The following THEMIS variants were observed in gnomAD, a reference collection of about 807,000 sequenced individuals.
The protein encoded by THEMIS is thymocyte selection associated, also known as protein THEMIS.
THEMIS carries 37 observed loss-of-function variants against 52.6 expected under a neutral mutation model. The ratio of observed to expected loss-of-function variants is 0.70; its 90% CI spans 0.54 to 0.93. The LOEUF is 0.93. THEMIS is among the 40% of genes least tolerant of loss of function. The pLI is 0.00. For synonymous variants in THEMIS, 292 were observed against 272.7 expected (o/e 1.07, Z -0.70); for missense variants, 808 against 763.1 (o/e 1.06, Z -0.69).
At chr6:127,787,850 T>TAG (rs1554224553) in intron 4 of THEMIS, among the ~76,000 whole-genome samples, 3 of 137,502 alleles carry the variant, frequency 2.2e-5, no homozygotes, top group East Asian at 2.1e-4. Context: ...GATAGACAGA[T>TAG]ATAGATAGAT....
At position 127,889,745 on chromosome 6, in the gene THEMIS, A is replaced by G. The variant is rs376322353; in HGVS notation, c.91+11097T>C. On this transcript the variant is annotated intron_variant, in intron 1 of 5. Coordinates refer to ENST00000368248, the MANE Select transcript of THEMIS (RefSeq NM_001010923.3). ...TATGGTAAGTCACATACTAAGATAG[A>G]TTGGGAATTTCAAAAAATGAGTTAA... Among the ~76,000 whole-genome samples, 4 of 152,102 alleles carry G rather than the reference A, an allele frequency of 2.6e-5. No individual in the cohort carries two copies. The East Asian group carries it at 7.7e-4, about 29-fold the overall frequency.
At chr6:127,905,312 A>C (rs1781241810), upstream of THEMIS, among the ~76,000 whole-genome samples, 1 of 152,088 alleles carries the variant, frequency 6.6e-6, no homozygotes, top group African/African-American at 2.4e-5. Context: ...ACTTACTAAC[A>C]AAAACCAATA....
At chr6:127,851,323 A>G (rs895499556) in intron 2 of THEMIS, among the ~76,000 whole-genome samples, 3 of 151,688 alleles carry the variant, frequency 2.0e-5, no homozygotes, top group African/African-American at 7.2e-5. Flanking sequence ...CTAAACTCAA[A>G]GATTCATGCC....
chr6:127,726,443 A>G (rs1774550957), intron 4 of THEMIS, among the ~76,000 whole-genome samples: 1 of 152,146 alleles, frequency 6.6e-6, no homozygotes, highest in Non-Finnish European at 1.5e-5. Context: ...ATCATATATC[A>G]AAGATCTTAC....
At chr6:127,845,407 A>C (rs566219957) in intron 2 of THEMIS, among the ~76,000 whole-genome samples, 2 of 152,094 alleles carry the variant, frequency 1.3e-5, no homozygotes, top group East Asian at 1.9e-4. Flanking sequence ...TTGAAGAAAA[A>C]TGGCTGAATC....
intron 1 of THEMIS, among the ~76,000 whole-genome samples, chr6:127,870,502 A>G (rs1375261555): frequency 6.6e-6 from 1 of 152,230 alleles, no homozygotes; most frequent in African/African-American, 2.4e-5. Flanking sequence ...TGCCATATCA[A>G]TAGTTACATT....
At chr6:127,705,453 G>T (rs566174506), downstream of THEMIS, among the ~76,000 whole-genome samples, 22 of 152,220 alleles carry the variant, frequency 1.4e-4, no homozygotes, top group Middle Eastern at 3.4e-3. Context: ...GCTTCAATTT[G>T]CCTGTCACAA....
At chr6:127,702,358 A>G in the THEMIS span, among the ~76,000 whole-genome samples, 2 of 152,154 alleles carry the variant, frequency 1.3e-5, no homozygotes, top group Non-Finnish European at 2.9e-5. Flanking sequence ...TATTTCCTAA[A>G]TCTGAAATTT....
At chr6:127,766,718 G>A (rs1219870857) in intron 4 of THEMIS, among the ~76,000 whole-genome samples, 2 of 152,008 alleles carry the variant, frequency 1.3e-5, no homozygotes, top group African/African-American at 4.8e-5. Flanking sequence ...AAGTATTTTT[G>A]TACTTAAACA....
chr6:127,736,212 T>C (rs891213768), intron 4 of THEMIS, among the ~76,000 whole-genome samples: 4 of 152,174 alleles, frequency 2.6e-5, no homozygotes, highest in African/African-American at 9.6e-5. Context: ...ATGTTTAAAA[T>C]TGTATATTTA....
intron 4 of THEMIS, among the ~76,000 whole-genome samples, chr6:127,777,365 A>G (rs536504951): frequency 6.6e-6 from 1 of 152,292 alleles, no homozygotes; most frequent in East Asian, 1.9e-4. Context: ...TTTGTGGCAG[A>G]GATGTTTCAA....
At chr6:127,784,942 G>C (rs1583274227) in intron 4 of THEMIS, among the ~76,000 whole-genome samples, 1 of 147,244 alleles carries the variant, frequency 6.8e-6, no homozygotes, top group Admixed American at 7.0e-5. Flanking sequence ...GATAGCAAAG[G>C]CAGTCACACT....
chr6:127,877,303 T>C (rs1780343512), intron 1 of THEMIS, among the ~76,000 whole-genome samples: 1 of 152,110 alleles, frequency 6.6e-6, no homozygotes. Context: ...TTCACTGGAG[T>C]AGTACATTTA....
chr6:127,885,905 GA>G (rs1562321396), intron 1 of THEMIS, among the ~76,000 whole-genome samples: 1 of 151,942 alleles, frequency 6.6e-6, no homozygotes, highest in Non-Finnish European at 1.5e-5. Flanking sequence ...TCATAGTTAA[GA>G]AAAAAGTTCT....
At chr6:127,842,346 T>C (rs1398686989) in intron 2 of THEMIS, among the ~76,000 whole-genome samples, 1 of 152,012 alleles carries the variant, frequency 6.6e-6, no homozygotes, top group Non-Finnish European at 1.5e-5. Flanking sequence ...TGTTAATGTG[T>C]TAGAATTAAC....
At chr6:127,736,691 T>C (rs1775017500) in intron 4 of THEMIS, among the ~76,000 whole-genome samples, 1 of 152,108 alleles carries the variant, frequency 6.6e-6, no homozygotes, top group Admixed American at 6.6e-5. Context: ...TTTTCAGATC[T>C]ATGTTTGGAT....
In THEMIS at chr6:127,880,953, A is replaced by G. The variant is rs1780466984; in HGVS notation, c.91+19889T>C. On this transcript the variant is annotated intron_variant, in intron 1 of 5. Coordinates refer to ENST00000368248, the MANE Select transcript of THEMIS (RefSeq NM_001010923.3). ...CTTTTGTTAAAATCTTAGTTTTAAA[A>G]GACGCGATGATTCCAAGTATTTATT... 2.0e-5 allele frequency among the ~76,000 whole-genome samples: 3 copies of G among 152,272 alleles called. No homozygotes were observed. In the South Asian group the frequency reaches 6.2e-4, roughly 32 times the overall value.
In THEMIS at chr6:127,741,002, C is replaced by T. The variant is rs111591195; in HGVS notation, c.1759-21179G>A. 1.9e-3 allele frequency among the ~76,000 whole-genome samples: 285 copies of T among 152,252 alleles called. 1 individual carries two copies. Among genetic ancestry groups the T allele is most frequent in the African/African-American group, 6.4e-3 (268 of 41,556 alleles). On this transcript the variant is annotated intron_variant, in intron 4 of 5. Coordinates refer to ENST00000368248, the MANE Select transcript of THEMIS (RefSeq NM_001010923.3). ...ACATTTGCACATTTACTTCCCCACA[C>T]CTGAAAAGTACTTAAATTTTATAGA... is the stretch of plus-strand genomic sequence containing the variant.
Position 127,851,305 on chromosome 6 carries a change from C to G in THEMIS, c.250+3725G>C, listed in dbSNP as rs151030696. Among the ~76,000 whole-genome samples, 7 of 151,608 alleles carry G rather than the reference C, an allele frequency of 4.6e-5. No homozygotes were observed. In the East Asian group the frequency reaches 1.4e-3, roughly 30 times the overall value. ...CACATTCAAGAAACTTAATACACTT[C>G]AAGTAGACTAAACTCAAAGATTCAT... On this transcript the variant is annotated intron_variant, in intron 2 of 5. Transcript: ENST00000368248.
Sources: gnomAD v4.1 joint callset for allele counts (sites outside exome capture counted in the v4.1 genomes callset) on GRCh38, gnomAD v4.1.1 for gene constraint, MANE v1.5 for transcripts, NCBI Gene and HGNC (gene_info 2026-07-23, HGNC 2026-07-21) for gene names.